KLF12: variants seen among roughly 807,000 people sequenced by gnomAD.
KLF12 encodes Krueppel-like factor 12.
In KLF12, 9 loss-of-function variants were observed where a neutral mutation model predicts 37.8. The ratio of observed to expected loss-of-function variants is 0.24; its 90% CI spans 0.14 to 0.42. The LOEUF (loss-of-function observed/expected upper bound fraction) is 0.42, where lower values mean the gene tolerates loss of function less well. Ranked by LOEUF, KLF12 falls within the 10% of genes least tolerant of loss-of-function variation. The pLI is 1.00. For synonymous variants in KLF12, 208 were observed against 202.1 expected (o/e 1.03, Z -0.25); for missense variants, 411 against 516.0 (o/e 0.80, Z 1.97).
At chr13:73,955,241 T>C (rs553314037) in intron 2 of KLF12, among the ~76,000 whole-genome samples, 11 of 152,324 alleles carry the variant, frequency 7.2e-5, no homozygotes, top group Admixed American at 6.5e-4. Flanking sequence ...CCCAAACTGA[T>C]TTTTAGAATG....
chr13:74,232,392 G>A, the KLF12 span, among the ~76,000 whole-genome samples: 1 of 152,152 alleles, frequency 6.6e-6, no homozygotes. Context: ...CCATTTGGCA[G>A]TCTCAGTTTC....
chr13:74,205,936 G>T, the KLF12 span, among the ~76,000 whole-genome samples: 1 of 152,060 alleles, frequency 6.6e-6, no homozygotes, highest in East Asian at 1.9e-4. Context: ...TGGTAAACTG[G>T]GCTTCCAGTT....
At chr13:73,752,441 A>G (rs894225694) in intron 6 of KLF12, among the ~76,000 whole-genome samples, 1 of 152,074 alleles carries the variant, frequency 6.6e-6, no homozygotes, top group East Asian at 1.9e-4. Flanking sequence ...CCCTGTGGTA[A>G]CTATCATTTA....
intron 2 of KLF12, among the ~76,000 whole-genome samples, chr13:73,973,340 T>A (rs9600203): frequency 0.048 from 7,377 of 152,294 alleles, 382 homozygotes; most frequent in African/African-American, 0.13. Flanking sequence ...CCTGCCATTC[T>A]GCTCAAAGGT....
chr13:73,945,752 A>G (rs1294475620), intron 2 of KLF12, among the ~76,000 whole-genome samples: 1 of 152,178 alleles, frequency 6.6e-6, no homozygotes, highest in Non-Finnish European at 1.5e-5. Flanking sequence ...TGTCAATATT[A>G]TTTCCCCATA....
intron 4 of KLF12, among the ~76,000 whole-genome samples, chr13:73,834,278 C>A (rs1267046544): frequency 6.6e-6 from 1 of 152,098 alleles, no homozygotes; most frequent in South Asian, 2.1e-4. Context: ...CTTTCTCTCC[C>A]CAAAGAACTG....
chr13:73,725,935 C>A (rs1397221464), intron 6 of KLF12, among the ~76,000 whole-genome samples: 1 of 151,762 alleles, frequency 6.6e-6, no homozygotes, highest in Non-Finnish European at 1.5e-5. Context: ...ATGGTGCTAT[C>A]TCGGCTCACT....
At chr13:74,033,700 T>C (rs934804007) in intron 1 of KLF12, among the ~76,000 whole-genome samples, 5 of 152,210 alleles carry the variant, frequency 3.3e-5, no homozygotes, top group African/African-American at 4.8e-5. Flanking sequence ...CTATTACACA[T>C]TTTGATTGCT....
the KLF12 span, among the ~76,000 whole-genome samples, chr13:74,267,965 G>T: frequency 1.3e-5 from 2 of 152,148 alleles, no homozygotes; most frequent in Non-Finnish European, 2.9e-5. Flanking sequence ...AAAAGCCAAA[G>T]GATACCTGGG....
intron 4 of KLF12, among the ~76,000 whole-genome samples, chr13:73,827,083 C>G (rs1025600890): frequency 2.0e-5 from 3 of 152,176 alleles, no homozygotes; most frequent in African/African-American, 7.2e-5. Context: ...AACTGGCCAA[C>G]AATATGATAT....
chr13:73,861,096 T>G (rs954417875), intron 3 of KLF12, among the ~76,000 whole-genome samples: 3 of 152,184 alleles, frequency 2.0e-5, no homozygotes, highest in African/African-American at 7.2e-5. Context: ...AATAACACTC[T>G]TTCTGGTTCC....
At chr13:73,994,185 G>A (rs1366082843) in intron 2 of KLF12, among the ~76,000 whole-genome samples, 1 of 152,166 alleles carries the variant, frequency 6.6e-6, no homozygotes, top group East Asian at 1.9e-4. Flanking sequence ...AAAAGACATA[G>A]CAAGTTGTGC....
chr13:73,976,153 T>G (rs1049070802), intron 2 of KLF12, among the ~76,000 whole-genome samples: 12 of 144,068 alleles, frequency 8.3e-5, no homozygotes, highest in South Asian at 4.4e-4. Context: ...TGTTTTGGGG[T>G]TTTTTTTTTC....
intron 6 of KLF12, among the ~76,000 whole-genome samples, chr13:73,757,098 C>A (rs1450418861): frequency 6.6e-6 from 1 of 152,126 alleles, no homozygotes; most frequent in Non-Finnish European, 1.5e-5. Flanking sequence ...CCTACACAAT[C>A]CTATGCATGT....
chr13:74,204,970 A>G, the KLF12 span, among the ~76,000 whole-genome samples: 1 of 152,124 alleles, frequency 6.6e-6, no homozygotes, highest in Non-Finnish European at 1.5e-5. Context: ...ATAAATTACT[A>G]GACATATGCT....
chr13:74,158,217 C>T, the KLF12 span, among the ~76,000 whole-genome samples: 1 of 152,190 alleles, frequency 6.6e-6, no homozygotes, highest in East Asian at 1.9e-4. Flanking sequence ...GTGAAGGCTG[C>T]GTGGGCTGGA....
intron 1 of KLF12, among the ~76,000 whole-genome samples, chr13:74,020,257 C>T (rs1892806876): frequency 1.3e-5 from 2 of 152,120 alleles, no homozygotes; most frequent in East Asian, 1.9e-4. Context: ...AGAAAAAGCA[C>T]GCAGTCCATG....
intron 1 of KLF12, among the ~76,000 whole-genome samples, chr13:74,086,128 T>C (rs1264279912): frequency 2.0e-5 from 3 of 151,884 alleles, no homozygotes; most frequent in East Asian, 3.9e-4. Context: ...TTATTATTAT[T>C]ATTATTACAC....
chr13:74,275,778 TTTTCTTTCTTTC>T, the KLF12 span, among the ~76,000 whole-genome samples: 6 of 93,836 alleles, frequency 6.4e-5, no homozygotes, highest in East Asian at 1.7e-3. Flanking sequence ...ATGCCTGTCT[TTTTCTTTCTTTC>T]TTTCTTTCTT....
Sources: allele counts gnomAD v4.1 joint callset (sites outside exome capture counted in the v4.1 genomes callset), GRCh38; gene constraint gnomAD v4.1.1; transcripts MANE v1.5; gene names NCBI Gene and HGNC (gene_info 2026-07-23, HGNC 2026-07-21).